CINP: variants seen among roughly 807,000 people sequenced by gnomAD.
CINP encodes cyclin-dependent kinase 2-interacting protein.
A neutral mutation model predicts 20.5 loss-of-function variants in CINP; 11 were observed. That is an observed-to-expected ratio of 0.54 (90% CI 0.34 to 0.89). The LOEUF is 0.89. CINP is among the 40% of genes least tolerant of loss of function. The probability of loss-of-function intolerance (pLI) is 0.02; values close to 1 mark genes in which losing one functional copy is unlikely to be tolerated. For synonymous variants in CINP, 108 were observed against 102.1 expected (o/e 1.06, Z -0.35); for missense variants, 213 against 251.0 (o/e 0.85, Z 1.02).
intron 3 of CINP, chr14:102,352,430 G>T: frequency 2.2e-6 from 1 of 450,328 alleles, no homozygotes; most frequent in Non-Finnish European, 4.4e-6. Flanking sequence ...TTTCAACATC[G>T]GTGGCTTCTT....
rs1210555157 is a variant in CINP at position 102,359,443 on chromosome 14, AT to A, written c.151del (p.Ile51LeufsTer4). ...CAATAAACTGATTTTCAAGTTGGCA[AT>A]ATTATTTGCAGTGGTAAAACCTGCA... is the stretch of plus-strand genomic sequence containing the variant. ...NDAGFTTANN[I>X]ANLKISLLNK... On this transcript the variant is annotated frameshift_variant, in exon 2 of 5. Transcript: ENST00000216756. LOFTEE classifies it high-confidence loss of function. The A allele has an allele frequency of 1.2e-6, 2 of 1,600,576 alleles. No individual in the cohort carries two copies. Among genetic ancestry groups the A allele is most frequent in the Non-Finnish European group, 1.7e-6 (2 of 1,173,284 alleles).
chr14:102,348,886 G>GCCCGC (rs1985613078), intron 4 of CINP, 127 bp from the exon 5 acceptor site: 1 of 767,900 alleles, frequency 1.3e-6, no homozygotes, highest in Admixed American at 2.3e-5. Context: ...GGGAAGAAGG[G>GCCCGC]CCCGATGGAG....
chr14:102,349,833 C>T, intron 4 of CINP, 86 bp downstream of exon 4: 1 of 1,483,202 alleles, frequency 6.7e-7, no homozygotes, highest in Non-Finnish European at 9.3e-7. Context: ...GCCTTGTCAG[C>T]TTCTTAAAGT....
intron 2 of CINP, among the ~76,000 whole-genome samples, 183 bp downstream of exon 2, chr14:102,359,236 A>ATATATATATGTG (rs1029732455): frequency 7.9e-6 from 1 of 126,588 alleles, no homozygotes; most frequent in African/African-American, 2.6e-5. Context: ...AAATATATAT[A>ATATATATATGTG]TATATATATA....
chr14:102,349,719 A>G (rs763085101), intron 4 of CINP, among the ~76,000 whole-genome samples, 200 bp downstream of exon 4: 11 of 152,180 alleles, frequency 7.2e-5, no homozygotes, highest in Non-Finnish European at 1.6e-4. Context: ...ACGGGTCTCT[A>G]TGTTTCATAT....
intron 3 of CINP, among the ~76,000 whole-genome samples, chr14:102,355,079 A>G (rs1321148451): frequency 1.3e-5 from 2 of 152,008 alleles, no homozygotes; most frequent in African/African-American, 4.8e-5. Flanking sequence ...AAAAAAAAAA[A>G]AAAAGAAAAT....
chr14:102,358,438 A>T (rs1185433869), intron 2 of CINP, among the ~76,000 whole-genome samples: 1 of 152,168 alleles, frequency 6.6e-6, no homozygotes, highest in Admixed American at 6.5e-5. Context: ...ACCGGCATTT[A>T]GGGAGGCCAA....
chr14:102,350,281 G>C (rs1886837949), intron 3 of CINP, among the ~76,000 whole-genome samples: 1 of 152,068 alleles, frequency 6.6e-6, no homozygotes. Context: ...TCCAGTCCTA[G>C]AGCAAGAAAG....
chr14:102,348,896 G>T, intron 4 of CINP, 137 bp from the exon 5 acceptor site: 1 of 712,690 alleles, frequency 1.4e-6, no homozygotes, highest in Non-Finnish European at 2.4e-6. Context: ...GCCCGATGGA[G>T]TTTACTACTC....
rs182359998 is a variant in CINP, at chr14:102,354,566, G to A, written c.306+1202C>T. Among the ~76,000 whole-genome samples the A allele has an allele frequency of 1.1e-3, 171 of 152,254 alleles. 1 individual carries two copies. Among genetic ancestry groups the A allele is most frequent in the African/African-American group, 3.9e-3 (160 of 41,544 alleles). ...GAGGCCAGGACTTCGAGACCAGCCT[G>A]GCCAACATGGTGAAACCCCATCTCT... is the stretch of plus-strand genomic sequence containing the variant. On this transcript the variant is annotated intron_variant, in intron 3 of 4. Transcript: ENST00000216756.
chr14:102,352,839 G>A (rs1411545644), intron 3 of CINP, among the ~76,000 whole-genome samples: 1 of 151,638 alleles, frequency 6.6e-6, no homozygotes, highest in Admixed American at 6.6e-5. Context: ...AGTAGAGATG[G>A]GGTTTCACTA....
intron 2 of CINP, among the ~76,000 whole-genome samples, chr14:102,357,778 A>T (rs1019634601): frequency 3.9e-5 from 6 of 152,360 alleles, no homozygotes; most frequent in African/African-American, 1.4e-4. Flanking sequence ...CTAATGTAGA[A>T]GCTGGAGCAA....
intron 3 of CINP, 114 bp downstream of exon 3, chr14:102,355,654 A>G (rs1037389805): frequency 1.8e-5 from 21 of 1,169,490 alleles, no homozygotes; most frequent in Non-Finnish European, 2.6e-5. Context: ...GAGGAAGAGA[A>G]CATCAGAGGA....
chr14:102,349,421 C>T (rs1430055922), intron 4 of CINP, among the ~76,000 whole-genome samples: 1 of 152,140 alleles, frequency 6.6e-6, no homozygotes, highest in African/African-American at 2.4e-5. Context: ...AAATAGCTTA[C>T]CCTTGTCTTG....
intron 2 of CINP, among the ~76,000 whole-genome samples, chr14:102,358,344 G>C (rs751760167): frequency 9.2e-5 from 14 of 152,228 alleles, no homozygotes; most frequent in Non-Finnish European, 2.1e-4. Context: ...AACAGAACCA[G>C]AATAGTGGCT....
chr14:102,349,730 A>G (rs766390745), intron 4 of CINP, among the ~76,000 whole-genome samples, 189 bp downstream of exon 4: 9 of 152,076 alleles, frequency 5.9e-5, no homozygotes, highest in Non-Finnish European at 1.3e-4. Context: ...TGTTTCATAT[A>G]CTCTGCTGAT....
At chr14:102,354,734 C>T (rs537717259) in intron 3 of CINP, among the ~76,000 whole-genome samples, 1 of 151,242 alleles carries the variant, frequency 6.6e-6, no homozygotes, top group African/African-American at 2.4e-5. Context: ...TCCATCCAGC[C>T]TCAGTGGCAG....
intron 3 of CINP, among the ~76,000 whole-genome samples, chr14:102,353,245 T>G (rs964286593): frequency 1.3e-5 from 2 of 152,064 alleles, no homozygotes; most frequent in Non-Finnish European, 2.9e-5. Context: ...GGTGAATACG[T>G]CCCTACCCCC....
At chr14:102,354,608 T>C (rs1401186240) in intron 3 of CINP, among the ~76,000 whole-genome samples, 2 of 151,432 alleles carry the variant, frequency 1.3e-5, no homozygotes, top group Non-Finnish European at 2.9e-5. Context: ...AATACAACAA[T>C]TAGCTGGGCA....
Sources: allele counts gnomAD v4.1 joint callset (sites outside exome capture counted in the v4.1 genomes callset), GRCh38; gene constraint gnomAD v4.1.1; transcripts MANE v1.5; gene names NCBI Gene and HGNC (gene_info 2026-07-23, HGNC 2026-07-21).